Variants in ASCC3 observed in about 807,000 individuals in gnomAD.
The protein encoded by ASCC3 is activating signal cointegrator 1 complex subunit 3.
Under a neutral mutation model 256.3 loss-of-function variants are expected in ASCC3, and 158 were observed. The ratio of observed to expected loss-of-function variants is 0.62; its 90% CI spans 0.54 to 0.70. ASCC3 has a LOEUF of 0.70. ASCC3 is among the 30% of genes least tolerant of loss of function. The pLI is 0.00. For synonymous variants in ASCC3, 948 were observed against 883.4 expected, an observed-to-expected ratio of 1.07 and a Z score of -1.30; for missense variants, 2,259 against 2,626.0, an observed-to-expected ratio of 0.86 and a Z score of 3.05.
At chr6:100,528,195 G>C (rs1003942089) in intron 37 of ASCC3, among the ~76,000 whole-genome samples, 1 of 152,088 alleles carries the variant, frequency 6.6e-6, no homozygotes, top group African/African-American at 2.4e-5. Context: ...AAGATAAAAT[G>C]CATTTTCAGA....
intron 36 of ASCC3, among the ~76,000 whole-genome samples, chr6:100,585,213 A>C (rs1272249915): frequency 7.2e-5 from 11 of 152,212 alleles, no homozygotes; most frequent in Admixed American, 7.2e-4. Context: ...ATTTTCAGGT[A>C]CACCAATCAG....
chr6:100,742,945 G>A (rs1020038010), intron 10 of ASCC3, among the ~76,000 whole-genome samples: 5 of 152,180 alleles, frequency 3.3e-5, no homozygotes, highest in Admixed American at 2.6e-4. Context: ...GGAATGTCCA[G>A]GTGGACCTCT....
intron 37 of ASCC3, among the ~76,000 whole-genome samples, chr6:100,525,042 G>A (rs1006177161): frequency 6.6e-6 from 1 of 150,690 alleles, no homozygotes; most frequent in African/African-American, 2.4e-5. Context: ...TGCTGGGTGT[G>A]GTGGTGTGTG....
chr6:100,601,239 T>C (rs962310315), intron 34 of ASCC3, among the ~76,000 whole-genome samples: 27 of 152,108 alleles, frequency 1.8e-4, no homozygotes, highest in African/African-American at 6.3e-4. Flanking sequence ...TAACGACTTA[T>C]ATGGTTTTTC....
chr6:100,874,558 G>A (rs1028316795), intron 1 of ASCC3, among the ~76,000 whole-genome samples: 1 of 149,430 alleles, frequency 6.7e-6, no homozygotes, highest in Non-Finnish European at 1.5e-5. Context: ...AGGTCAAATT[G>A]AGAAAACAAA....
intron 30 of ASCC3, among the ~76,000 whole-genome samples, chr6:100,609,183 A>AAT (rs1401416158): frequency 6.6e-6 from 1 of 151,822 alleles, no homozygotes; most frequent in Non-Finnish European, 1.5e-5. Context: ...ACTTTTCCTA[A>AAT]ATATATACAT....
intron 14 of ASCC3, among the ~76,000 whole-genome samples, chr6:100,672,945 C>A (rs964344351): frequency 6.6e-6 from 1 of 151,956 alleles, no homozygotes; most frequent in South Asian, 2.1e-4. Context: ...TGAGTGATCA[C>A]GACAAAAAAC....
At chr6:100,580,061 T>A (rs1425711121) in intron 36 of ASCC3, among the ~76,000 whole-genome samples, 1 of 152,124 alleles carries the variant, frequency 6.6e-6, no homozygotes, top group African/African-American at 2.4e-5. Context: ...CAGTTGTATT[T>A]CTAGGTATTT....
At chr6:100,868,367 T>G (rs1050390604) in intron 1 of ASCC3, among the ~76,000 whole-genome samples, 1 of 152,190 alleles carries the variant, frequency 6.6e-6, no homozygotes, top group African/African-American at 2.4e-5. Flanking sequence ...TTTCCCTAAT[T>G]TTGTTTTATG....
At chr6:100,777,303 A>C (rs1450962321) in intron 8 of ASCC3, among the ~76,000 whole-genome samples, 1 of 152,082 alleles carries the variant, frequency 6.6e-6, no homozygotes, top group Admixed American at 6.6e-5. Context: ...GGCTTTCCTA[A>C]CAGGATACGT....
chr6:100,561,847 T>C (rs926034504), intron 36 of ASCC3, among the ~76,000 whole-genome samples: 1 of 152,102 alleles, frequency 6.6e-6, no homozygotes, highest in Non-Finnish European at 1.5e-5. Context: ...AAGACCTAAA[T>C]CTAAAAGTTG....
intron 13 of ASCC3, among the ~76,000 whole-genome samples, chr6:100,713,274 A>C (rs530707596): frequency 1.4e-4 from 22 of 152,318 alleles, no homozygotes; most frequent in African/African-American, 5.3e-4. Flanking sequence ...ATGAAAAGAC[A>C]TGCGGAACCT....
intron 37 of ASCC3, among the ~76,000 whole-genome samples, chr6:100,524,530 T>C (rs778086359): frequency 6.6e-6 from 1 of 152,118 alleles, no homozygotes. Flanking sequence ...ATCACTGACC[T>C]AGTCTACTAA....
chr6:100,545,201 G>A (rs867534521), intron 36 of ASCC3, among the ~76,000 whole-genome samples: 35 of 151,754 alleles, frequency 2.3e-4, no homozygotes, highest in Admixed American at 3.3e-4. Flanking sequence ...TTTTTGAGAC[G>A]GAGTCTTGCT....
chr6:100,855,054 CAT>C (rs1465020129), intron 3 of ASCC3, among the ~76,000 whole-genome samples: 5 of 151,694 alleles, frequency 3.3e-5, no homozygotes, highest in African/African-American at 9.7e-5. Context: ...TTTAAGGAAT[CAT>C]AATTTGTTAA....
chr6:100,532,396 ATATATATATATTT>A (rs1562098482), intron 37 of ASCC3, among the ~76,000 whole-genome samples: 12 of 42,752 alleles, frequency 2.8e-4, no homozygotes, highest in African/African-American at 1.1e-3. Flanking sequence ...ATATATATAT[ATATATATATATTT>A]TTTTTTTTTT....
intron 40 of ASCC3, among the ~76,000 whole-genome samples, chr6:100,512,123 G>C (rs1773793562): frequency 6.6e-6 from 1 of 152,164 alleles, no homozygotes; most frequent in African/African-American, 2.4e-5. Flanking sequence ...TTGCCTGTAT[G>C]AACATTGACA....
chr6:100,511,083 T>C (rs1773738825), intron 40 of ASCC3, among the ~76,000 whole-genome samples: 1 of 152,210 alleles, frequency 6.6e-6, no homozygotes, highest in African/African-American at 2.4e-5. Flanking sequence ...TTTTTATTAT[T>C]ACTATTATTA....
chr6:100,835,599 C>T (rs1309549953), intron 4 of ASCC3, among the ~76,000 whole-genome samples: 1 of 152,090 alleles, frequency 6.6e-6, no homozygotes, highest in East Asian at 1.9e-4. Flanking sequence ...GGATTTATTT[C>T]TGCATTCTCT....
Sources: allele counts gnomAD v4.1 joint callset (sites outside exome capture counted in the v4.1 genomes callset), GRCh38; gene constraint gnomAD v4.1.1; transcripts MANE v1.5; gene names NCBI Gene and HGNC (gene_info 2026-07-23, HGNC 2026-07-21).